KCNH8: variants seen among roughly 807,000 people sequenced by gnomAD.
KCNH8 encodes voltage-gated delayed rectifier potassium channel KCNH8.
In KCNH8, 70 loss-of-function variants were observed where a neutral mutation model predicts 103.6. The observed-to-expected ratio is 0.68, with a 90% CI of 0.56 to 0.82. The LOEUF (loss-of-function observed/expected upper bound fraction) is 0.82. Among genes scored for constraint, KCNH8 ranks in the 40% least tolerant of loss-of-function variants. The pLI, the probability that KCNH8 is intolerant of heterozygous loss-of-function variation, is 0.00. For missense variants in KCNH8, 1,217 were observed against 1,329.9 expected (o/e 0.92, Z 1.32); for synonymous variants, 498 against 489.4 (o/e 1.02, Z -0.23).
Position 19,456,830 on chromosome 3 carries a change from G to C in KCNH8, c.1888G>C (p.Asp630His). ...GGACCAAGTGATCAAGACCAATGCA[G>C]ATGTAAAGGCTTTAACCTACTGTGA... ...IKDQVIKTNA[D>H]VKALTYCDLQ... The change falls in exon 11 of 16, where the codon GAT becomes CAT. Residue 630 changes from aspartate to histidine, a missense_variant. Physicochemically the swap from Asp to His is moderately conservative, Grantham distance 81. Transcript: ENST00000328405. The C allele has an allele frequency of 1.1e-5, 18 of 1,612,248 alleles. No individual in the cohort carries two copies. The highest frequency in any genetic ancestry group is 1.5e-5 in the Non-Finnish European group (18 of 1,178,874).
At chr3:19,306,274 TA>T (rs2065129313) in intron 3 of KCNH8, among the ~76,000 whole-genome samples, 1 of 152,088 alleles carries the variant, frequency 6.6e-6, no homozygotes, top group Non-Finnish European at 1.5e-5. Context: ...ACAAAAAACC[TA>T]AACTAAACTA....
At chr3:19,437,338 ATAT>A (rs1297135356) in intron 7 of KCNH8, among the ~76,000 whole-genome samples, 4 of 152,196 alleles carry the variant, frequency 2.6e-5, no homozygotes, top group African/African-American at 7.2e-5. Context: ...ATTCTAGATA[ATAT>A]TATTAAGCTT....
chr3:19,342,121 G>A (rs1288764887), intron 3 of KCNH8, among the ~76,000 whole-genome samples: 1 of 152,034 alleles, frequency 6.6e-6, no homozygotes, highest in Non-Finnish European at 1.5e-5. Context: ...AATATGGAAT[G>A]ATTTACAAGT....
intron 1 of KCNH8, among the ~76,000 whole-genome samples, chr3:19,215,352 G>A (rs963111037): frequency 1.5e-4 from 23 of 152,310 alleles, no homozygotes; most frequent in Middle Eastern, 3.4e-3. Flanking sequence ...ATTGGGGAAC[G>A]GGGTAGAGGC....
chr3:19,280,211 A>T (rs893994304), intron 2 of KCNH8, among the ~76,000 whole-genome samples: 9 of 152,262 alleles, frequency 5.9e-5, no homozygotes, highest in Non-Finnish European at 1.3e-4. Context: ...TATATTTTGA[A>T]TTTGAATCTT....
chr3:19,450,386 A>G, intron 9 of KCNH8, 81 bp downstream of exon 9: 1 of 1,067,992 alleles, frequency 9.4e-7, no homozygotes, highest in Non-Finnish European at 1.5e-6. Flanking sequence ...TGCAGGTATC[A>G]GAAGTGAAAA....
chr3:19,350,912 A>G (rs2065792668), intron 5 of KCNH8, among the ~76,000 whole-genome samples: 1 of 152,150 alleles, frequency 6.6e-6, no homozygotes, highest in Admixed American at 6.6e-5. Context: ...ACGGCTTCAG[A>G]CAATCGGTAA....
chr3:19,199,019 C>G (rs1559418896), intron 1 of KCNH8, among the ~76,000 whole-genome samples: 2 of 151,942 alleles, frequency 1.3e-5, no homozygotes, highest in Non-Finnish European at 2.9e-5. Flanking sequence ...GACTGGCTGA[C>G]CAAGAACTGC....
At chr3:19,339,951 T>C (rs937826646) in intron 3 of KCNH8, among the ~76,000 whole-genome samples, 2 of 152,084 alleles carry the variant, frequency 1.3e-5, no homozygotes, top group African/African-American at 4.8e-5. Context: ...GACTTGGTTC[T>C]GTGTGTGGAA....
chr3:19,482,516 A>G (rs1379839522), intron 11 of KCNH8, among the ~76,000 whole-genome samples: 1 of 152,242 alleles, frequency 6.6e-6, no homozygotes, highest in Non-Finnish European at 1.5e-5. Flanking sequence ...TTGTGAACTA[A>G]GGTAGCAGTG....
chr3:19,263,141 A>T (rs2125260303), intron 2 of KCNH8, among the ~76,000 whole-genome samples: 1 of 152,140 alleles, frequency 6.6e-6, no homozygotes, highest in East Asian at 1.9e-4. Context: ...AGCCAAGAGG[A>T]CTAGATTATA....
intron 3 of KCNH8, among the ~76,000 whole-genome samples, chr3:19,329,018 T>C (rs578134933): frequency 1.3e-5 from 2 of 152,320 alleles, no homozygotes; most frequent in South Asian, 4.1e-4. Flanking sequence ...TGTTTGGTCT[T>C]TCTGTTTCTA....
At chr3:19,164,231 A>G (rs2063260890) in intron 1 of KCNH8, among the ~76,000 whole-genome samples, 1 of 152,150 alleles carries the variant, frequency 6.6e-6, no homozygotes, top group South Asian at 2.1e-4. Context: ...GAGCCAGAGA[A>G]CCCTAAAGAG....
At chr3:19,494,908 C>T (rs1016770695) in intron 11 of KCNH8, among the ~76,000 whole-genome samples, 4 of 152,044 alleles carry the variant, frequency 2.6e-5, no homozygotes, top group African/African-American at 9.7e-5. Context: ...CTGTGAAATA[C>T]TATTTCATTG....
chr3:19,294,103 A>G (rs1043855079), intron 3 of KCNH8, among the ~76,000 whole-genome samples: 7 of 152,144 alleles, frequency 4.6e-5, no homozygotes, highest in South Asian at 2.1e-4. Context: ...TACTGCTGGT[A>G]TTGAATGGCC....
chr3:19,454,101 G>A (rs1659274088), intron 10 of KCNH8, among the ~76,000 whole-genome samples: 1 of 150,588 alleles, frequency 6.6e-6, no homozygotes, highest in African/African-American at 2.4e-5. Flanking sequence ...CAATATTAAA[G>A]TAAGGCTCAA....
chr3:19,313,603 A>G (rs1321879051), intron 3 of KCNH8, among the ~76,000 whole-genome samples: 2 of 151,582 alleles, frequency 1.3e-5, no homozygotes, highest in African/African-American at 4.8e-5. Context: ...TGTTTGTCAC[A>G]TGCAGTATTA....
chr3:19,465,827 G>A (rs1457159010), intron 11 of KCNH8, among the ~76,000 whole-genome samples: 1 of 151,814 alleles, frequency 6.6e-6, no homozygotes, highest in East Asian at 1.9e-4. Context: ...CAGATCTGGT[G>A]GAGATAGCAA....
rs78291900 is a variant in KCNH8, at chr3:19,293,586, T to C, written c.442+12257T>C. On this transcript the variant is annotated intron_variant, in intron 3 of 15. Coordinates refer to ENST00000328405, the MANE Select transcript of KCNH8 (RefSeq NM_144633.3). ...CAAGTTTGAGAAGCCCTGTGACATA[T>C]ACATTTCTTAGAAGGCTTCCCCAAC... Among the ~76,000 whole-genome samples, 514 of 152,300 alleles carry C rather than the reference T, an allele frequency of 3.4e-3. 25 individuals are homozygous for C. In the East Asian group the frequency reaches 0.086, roughly 25 times the overall value.
Sources: gnomAD v4.1 joint callset for allele counts (sites outside exome capture counted in the v4.1 genomes callset) on GRCh38, gnomAD v4.1.1 for gene constraint, MANE v1.5 for transcripts, NCBI Gene and HGNC (gene_info 2026-07-23, HGNC 2026-07-21) for gene names.